The following ADGRL2 variants were observed in gnomAD, a reference collection of about 807,000 sequenced individuals.
The protein encoded by ADGRL2 is calcium-independent alpha-latrotoxin receptor 2.
Under a neutral mutation model 157.4 loss-of-function variants are expected in ADGRL2, and 44 were observed. The observed-to-expected ratio is 0.28, with a 90% confidence interval of 0.22 to 0.36. The LOEUF is 0.36. Ranked by LOEUF, ADGRL2 falls within the 10% of genes least tolerant of loss-of-function variation. The pLI, the probability that ADGRL2 is intolerant of heterozygous loss-of-function variation, is 1.00. For missense variants in ADGRL2, 1,510 were observed against 1,768.9 expected (o/e 0.85, Z 2.63); for synonymous variants, 585 against 624.7 (o/e 0.94, Z 0.95).
At chr1:81,779,664 G>A (rs1042743943) in intron 2 of ADGRL2, among the ~76,000 whole-genome samples, 5 of 152,150 alleles carry the variant, frequency 3.3e-5, no homozygotes, top group African/African-American at 1.2e-4. Flanking sequence ...TCCCTGTGCA[G>A]CACACTGGTT....
intron 4 of ADGRL2, among the ~76,000 whole-genome samples, chr1:81,941,520 A>G (rs368120154): frequency 6.6e-6 from 1 of 151,876 alleles, no homozygotes; most frequent in African/African-American, 2.4e-5. Flanking sequence ...ATTAAATTTG[A>G]TCTAAACTCC....
At chr1:81,808,286 GA>G (rs963106176) in intron 1 of ADGRL2, among the ~76,000 whole-genome samples, 2 of 151,928 alleles carry the variant, frequency 1.3e-5, no homozygotes, top group African/African-American at 4.8e-5. Flanking sequence ...AATTTAGGTT[GA>G]AAAACAACAG....
intron 2 of ADGRL2, among the ~76,000 whole-genome samples, chr1:81,538,261 A>G (rs1025475175): frequency 3.3e-5 from 5 of 152,060 alleles, no homozygotes; most frequent in African/African-American, 1.2e-4. Context: ...GTTAGTTCCC[A>G]CTCACGTAAT....
chr1:81,926,421 T>C (rs964041521), intron 3 of ADGRL2, among the ~76,000 whole-genome samples: 2 of 152,134 alleles, frequency 1.3e-5, no homozygotes, highest in African/African-American at 2.4e-5. Flanking sequence ...TCATGTCTTA[T>C]TACGCTGTGT....
At chr1:81,613,846 TA>T (rs1046527778) in intron 3 of ADGRL2, among the ~76,000 whole-genome samples, 3 of 152,234 alleles carry the variant, frequency 2.0e-5, no homozygotes, top group Non-Finnish European at 2.9e-5. Flanking sequence ...ATTGCTGATT[TA>T]AGATACTTTG....
chr1:81,428,477 G>A (rs2077259830), intron 1 of ADGRL2, among the ~76,000 whole-genome samples: 1 of 152,184 alleles, frequency 6.6e-6, no homozygotes, highest in Non-Finnish European at 1.5e-5. Flanking sequence ...AACAGGAGAA[G>A]AGGTGTACAC....
intron 2 of ADGRL2, among the ~76,000 whole-genome samples, chr1:81,492,433 CAG>C (rs1424881064): frequency 6.6e-6 from 1 of 152,098 alleles, no homozygotes; most frequent in Non-Finnish European, 1.5e-5. Flanking sequence ...GTTAAACACA[CAG>C]AACTTTATTC....
Position 81,665,058 on chromosome 1 carries a change from G to C in ADGRL2, c.-143+84078G>C, listed in dbSNP as rs546184897. On this transcript the variant is annotated intron_variant, in intron 3 of 24. Transcript: ENST00000370721. ...AAATAATTAAAATAAATACTAGGTG[G>C]GTCAGACATTAAGAAAGTTCTGATC... is the stretch of plus-strand genomic sequence containing the variant. 7.2e-4 allele frequency among the ~76,000 whole-genome samples: 110 copies of C among 152,126 alleles called. 1 individual carries two copies. Among genetic ancestry groups the C allele is most frequent in the Admixed American group, 6.2e-3 (94 of 15,278 alleles).
In ADGRL2 at chr1:81,966,622, A is replaced by G; in HGVS notation, c.2349+13A>G. On this transcript the variant is annotated intron_variant, in intron 13 of 23. Transcript: ENST00000686636. ...GCCACACATTGATGTAAGTTAATGTATGCTAATGAAGTAATGGAAGGTTAT... is the reference window on the plus strand; with the variant it reads ...GCCACACATTGATGTAAGTTAATGTGTGCTAATGAAGTAATGGAAGGTTAT... 1 of 1,603,992 alleles carries G rather than the reference A, an allele frequency of 6.2e-7. No individual in the cohort carries two copies. The highest frequency in any genetic ancestry group is 8.5e-7 in the Non-Finnish European group (1 of 1,170,760).
intron 18 of ADGRL2, among the ~76,000 whole-genome samples, chr1:81,981,529 TA>T (rs747580745): frequency 7.2e-5 from 11 of 151,912 alleles, no homozygotes; most frequent in Non-Finnish European, 1.5e-4. Flanking sequence ...GACAAAGTCA[TA>T]GGGGATATGT....
intron 1 of ADGRL2, among the ~76,000 whole-genome samples, chr1:81,821,668 T>G (rs1187627574): frequency 6.6e-6 from 1 of 152,208 alleles, no homozygotes; most frequent in Non-Finnish European, 1.5e-5. Context: ...CTGTAGGGTT[T>G]CAAGATTTTA....
In ADGRL2 at chr1:81,958,807, A is replaced by T. The variant is rs189282621; in HGVS notation, c.2017+2747A>T. 5.3e-5 allele frequency among the ~76,000 whole-genome samples: 8 copies of T among 152,268 alleles called. No individual in the cohort carries two copies. The East Asian group carries it at 1.5e-3, about 29-fold the overall frequency. On this transcript the variant is annotated intron_variant, in intron 11 of 23. Transcript: ENST00000686636. Reference sequence around the variant, plus strand: ...CTCCTCTGACCCTAGCCCTAAAAACATCAGAAACCACTGATGTGCTTTTCG... The same window carrying T: ...CTCCTCTGACCCTAGCCCTAAAAACTTCAGAAACCACTGATGTGCTTTTCG...
At chr1:81,492,913 G>A (rs1055898527) in intron 2 of ADGRL2, among the ~76,000 whole-genome samples, 1 of 152,128 alleles carries the variant, frequency 6.6e-6, no homozygotes, top group Non-Finnish European at 1.5e-5. Flanking sequence ...TAGAATAGAA[G>A]AGTATGTGAG....
chr1:81,825,724 T>G (rs1358103447), intron 1 of ADGRL2, among the ~76,000 whole-genome samples: 1 of 146,598 alleles, frequency 6.8e-6, no homozygotes, highest in Non-Finnish European at 1.5e-5. Context: ...TAATAATACA[T>G]GTACTTTTGG....
intron 1 of ADGRL2, among the ~76,000 whole-genome samples, chr1:81,365,655 G>C (rs4363461): frequency 0.51 from 77,469 of 151,990 alleles, 21,790 homozygotes; most frequent in East Asian, 0.72. Flanking sequence ...GGATAACGGA[G>C]GATCATCATT....
intron 2 of ADGRL2, among the ~76,000 whole-genome samples, chr1:81,783,371 C>T (rs1417924232): frequency 6.6e-6 from 1 of 151,984 alleles, no homozygotes; most frequent in Non-Finnish European, 1.5e-5. Context: ...TTTAGGTAAT[C>T]CACCCATCTC....
At chr1:81,887,058 A>AT (rs2094143141) in intron 2 of ADGRL2, among the ~76,000 whole-genome samples, 1 of 152,204 alleles carries the variant, frequency 6.6e-6, no homozygotes, top group South Asian at 2.1e-4. Context: ...TTCCTAATAT[A>AT]TTTTGTTGTA....
At chr1:81,790,488 G>A (rs2087281086) in intron 2 of ADGRL2, among the ~76,000 whole-genome samples, 1 of 152,098 alleles carries the variant, frequency 6.6e-6, no homozygotes, top group Non-Finnish European at 1.5e-5. Flanking sequence ...TCAATTAATT[G>A]ACAAAACAAA....
At chr1:81,448,529 C>T (rs1290026428) in intron 2 of ADGRL2, among the ~76,000 whole-genome samples, 1 of 151,980 alleles carries the variant, frequency 6.6e-6, no homozygotes, top group Non-Finnish European at 1.5e-5. Flanking sequence ...CTCTACACCC[C>T]CTGATCTCAT....
Sources: allele counts gnomAD v4.1 joint callset (sites outside exome capture counted in the v4.1 genomes callset), GRCh38; gene constraint gnomAD v4.1.1; transcripts MANE v1.5; gene names NCBI Gene and HGNC (gene_info 2026-07-23, HGNC 2026-07-21).